SKAP2: variants seen among roughly 807,000 people sequenced by gnomAD.
SKAP2 encodes src kinase associated phosphoprotein 2, also known as src kinase-associated phosphoprotein 2.
A neutral mutation model predicts 54.9 loss-of-function variants in SKAP2; 28 were observed. The ratio of observed to expected loss-of-function variants is 0.51; its 90% CI spans 0.38 to 0.70. The LOEUF is 0.70. Ranked by LOEUF, SKAP2 falls within the 30% of genes least tolerant of loss-of-function variation. The pLI is 0.00. For synonymous variants in SKAP2, 137 were observed against 134.3 expected, an observed-to-expected ratio of 1.02 and a Z score of -0.14; for missense variants, 356 against 424.1, an observed-to-expected ratio of 0.84 and a Z score of 1.41.
At chr7:26,845,951 CA>C (rs891478050) in intron 3 of SKAP2, among the ~76,000 whole-genome samples, 6 of 151,890 alleles carry the variant, frequency 4.0e-5, no homozygotes, top group African/African-American at 1.5e-4. Flanking sequence ...ATTTTTTTAA[CA>C]AAAGAAGAGT....
intron 4 of SKAP2, among the ~76,000 whole-genome samples, chr7:26,830,437 A>G (rs1041797316): frequency 1.3e-5 from 2 of 152,176 alleles, no homozygotes; most frequent in Non-Finnish European, 2.9e-5. Flanking sequence ...GTAAAAAAAA[A>G]TACTTTAAGA....
chr7:26,843,811 A>G, intron 4 of SKAP2, among the ~76,000 whole-genome samples: 1 of 152,016 alleles, frequency 6.6e-6, no homozygotes. Context: ...CTCTCTCAAA[A>G]ATTTTAGTAA....
At chr7:26,862,726 A>T (rs1425993182) in intron 1 of SKAP2, among the ~76,000 whole-genome samples, 1 of 152,120 alleles carries the variant, frequency 6.6e-6, no homozygotes, top group Non-Finnish European at 1.5e-5. Flanking sequence ...CTCATGACCT[A>T]CATATCATAT....
intron 4 of SKAP2, among the ~76,000 whole-genome samples, chr7:26,758,178 TCTTA>T (rs1782841106): frequency 2.0e-5 from 3 of 152,204 alleles, no homozygotes; most frequent in Admixed American, 1.3e-4. Flanking sequence ...TGTTAGCAGT[TCTTA>T]CTTCTAGGGA....
intron 4 of SKAP2, among the ~76,000 whole-genome samples, chr7:26,810,911 A>C (rs1784128748): frequency 1.3e-5 from 2 of 152,104 alleles, no homozygotes. Context: ...CGATCTCTTG[A>C]CCTCATGATC....
intron 4 of SKAP2, among the ~76,000 whole-genome samples, chr7:26,812,286 G>A (rs1784163018): frequency 6.6e-6 from 1 of 152,052 alleles, no homozygotes. Context: ...TCCTTTTACT[G>A]GGAAATGAGA....
intron 4 of SKAP2, among the ~76,000 whole-genome samples, chr7:26,827,829 A>G (rs2127991736): frequency 6.6e-6 from 1 of 152,328 alleles, no homozygotes; most frequent in African/African-American, 2.4e-5. Flanking sequence ...GTTGTCGTTG[A>G]CCAGTAACAA....
chr7:26,785,002 TC>T (rs1381348352), intron 4 of SKAP2, among the ~76,000 whole-genome samples: 1 of 152,170 alleles, frequency 6.6e-6, no homozygotes, highest in Non-Finnish European at 1.5e-5. Flanking sequence ...GTAAAATTCT[TC>T]CAATTCTTTG....
chr7:26,663,494 T>G (rs946626585), downstream of SKAP2, among the ~76,000 whole-genome samples: 4 of 152,122 alleles, frequency 2.6e-5, no homozygotes, highest in Admixed American at 6.6e-5. Flanking sequence ...GTATCAGATA[T>G]TCCAATAAAA....
At position 26,709,213 on chromosome 7, in the gene SKAP2, A is replaced by C. The variant is rs1007499426; in HGVS notation, c.796+16215T>G. 2.0e-5 allele frequency among the ~76,000 whole-genome samples: 3 copies of C among 152,168 alleles called. No homozygotes were observed. In the East Asian group the frequency reaches 5.8e-4, roughly 29 times the overall value. On this transcript the variant is annotated intron_variant, in intron 9 of 12. Transcript: ENST00000345317. Reference sequence around the variant, plus strand: ...GGCTAGGTTTCCAGGAAGAACTGAGAAGTAAGGTAGTTTCTGAAAGAAAAC... The same window carrying C: ...GGCTAGGTTTCCAGGAAGAACTGAGCAGTAAGGTAGTTTCTGAAAGAAAAC...
chr7:26,852,282 T>C (rs1253461539), intron 3 of SKAP2, among the ~76,000 whole-genome samples: 2 of 152,210 alleles, frequency 1.3e-5, no homozygotes, highest in Non-Finnish European at 1.5e-5. Context: ...GTACTATATA[T>C]TGAATAATTA....
At chr7:26,749,745 CAATAATAATAATAATAATAAT>C (rs68049436) in intron 4 of SKAP2, among the ~76,000 whole-genome samples, 4 of 144,756 alleles carry the variant, frequency 2.8e-5, no homozygotes, top group Non-Finnish European at 4.5e-5. Flanking sequence ...CAAATAATAA[CAATAATAATAATAATAATAAT>C]AATAATAATA....
the SKAP2 span, among the ~76,000 whole-genome samples, chr7:26,659,997 A>C: frequency 6.6e-6 from 1 of 152,064 alleles, no homozygotes; most frequent in East Asian, 1.9e-4. Flanking sequence ...AAACAAAAAA[A>C]CCCATGGTAA....
chr7:26,702,910 T>C (rs1366277016), intron 9 of SKAP2, among the ~76,000 whole-genome samples: 1 of 152,236 alleles, frequency 6.6e-6, no homozygotes, highest in Non-Finnish European at 1.5e-5. Context: ...ACCACCACGA[T>C]GTGGTATTTA....
chr7:26,806,864 T>C (rs1053802232), intron 4 of SKAP2, among the ~76,000 whole-genome samples: 1 of 152,180 alleles, frequency 6.6e-6, no homozygotes, highest in African/African-American at 2.4e-5. Flanking sequence ...TAGCAGAGGT[T>C]GGTTCATGAG....
At chr7:26,690,820 A>T (rs1295005888) in intron 9 of SKAP2, among the ~76,000 whole-genome samples, 2 of 152,236 alleles carry the variant, frequency 1.3e-5, no homozygotes, top group Admixed American at 6.5e-5. Context: ...CATATATAAA[A>T]TCATGGTCCC....
chr7:26,695,431 TA>T (rs1475036723), intron 9 of SKAP2, among the ~76,000 whole-genome samples: 1 of 152,238 alleles, frequency 6.6e-6, no homozygotes, highest in East Asian at 1.9e-4. Flanking sequence ...ATCACCATTT[TA>T]TGAATATGAA....
chr7:26,707,972 C>G (rs969422307), intron 9 of SKAP2, among the ~76,000 whole-genome samples: 1 of 152,110 alleles, frequency 6.6e-6, no homozygotes, highest in African/African-American at 2.4e-5. Flanking sequence ...AAAAACACTT[C>G]CAGAACCCAG....
intron 11 of SKAP2, among the ~76,000 whole-genome samples, chr7:26,684,456 A>G (rs578227291): frequency 2.5e-4 from 38 of 152,338 alleles, no homozygotes; most frequent in African/African-American, 7.5e-4. Flanking sequence ...TAACTTTCAC[A>G]TAAGTATATT....
Sources: gnomAD v4.1 joint callset for allele counts (sites outside exome capture counted in the v4.1 genomes callset) on GRCh38, gnomAD v4.1.1 for gene constraint, MANE v1.5 for transcripts, NCBI Gene and HGNC (gene_info 2026-07-23, HGNC 2026-07-21) for gene names.